The following CNOT3 variants were observed in gnomAD, a reference collection of about 807,000 sequenced individuals.
CNOT3 encodes CCR4-NOT transcription complex subunit 3.
Under a neutral mutation model 89.4 loss-of-function variants are expected in CNOT3, and 2 were observed. The observed-to-expected ratio is 0.02, with a 90% CI of 0.01 to 0.07. The LOEUF is 0.07. Among genes scored for constraint, CNOT3 ranks in the 10% least tolerant of loss-of-function variants. CNOT3 has a pLI of 1.00. For missense variants in CNOT3, 664 were observed against 1,010.2 expected, an observed-to-expected ratio of 0.66 and a Z score of 4.65; for synonymous variants, 486 against 402.0, an observed-to-expected ratio of 1.21 and a Z score of -2.50.
intron 17 of CNOT3, chr19:54,154,746 G>T (rs2075322025): frequency 6.5e-6 from 1 of 153,430 alleles, no homozygotes; most frequent in Non-Finnish European, 1.4e-5. Flanking sequence ...TGTGTCCTCA[G>T]ATGTTAACCA....
At chr19:54,139,488 C>T (rs1439376219) in intron 1 of CNOT3, among the ~76,000 whole-genome samples, 3 of 152,098 alleles carry the variant, frequency 2.0e-5, no homozygotes, top group Non-Finnish European at 4.4e-5. Flanking sequence ...GGGCTCTTCC[C>T]TCTGGGGCTG....
At chr19:54,141,851 G>A (rs1458166427) in intron 1 of CNOT3, 3 of 152,166 alleles carry the variant, frequency 2.0e-5, no homozygotes, top group African/African-American at 7.2e-5. Flanking sequence ...ATCTCCGCTG[G>A]TATCTCAGAA....
At chr19:54,153,896 C>T (rs1440306631) in intron 17 of CNOT3, 56 bp downstream of exon 17, 2 of 1,612,100 alleles carry the variant, frequency 1.2e-6, no homozygotes, top group African/African-American at 2.7e-5. Context: ...AGTCCCCAGG[C>T]TCCAGGCAGC....
At chr19:54,151,551 C>T (rs1340518304) in intron 13 of CNOT3, among the ~76,000 whole-genome samples, 2 of 152,338 alleles carry the variant, frequency 1.3e-5, no homozygotes, top group African/African-American at 4.8e-5. Flanking sequence ...GCCTTGGCGA[C>T]TGACTCGTTG....
At chr19:54,138,390 G>C (rs1348075765) in intron 1 of CNOT3, among the ~76,000 whole-genome samples, 3 of 152,116 alleles carry the variant, frequency 2.0e-5, no homozygotes, top group African/African-American at 7.2e-5. Context: ...GGATGGAGGC[G>C]CCCCTGGTCC....
rs183553313 is a variant in CNOT3 at position 54,155,018 on chromosome 19, C to G, written c.2164-291C>G. The G allele has an allele frequency of 3.3e-5, 16 of 491,256 alleles. No individual in the cohort carries two copies. The East Asian group carries it at 5.2e-4, about 16-fold the overall frequency. The allele number at this position is 491,256 out of a possible 1,614,324, so 30.4% of individuals were successfully genotyped here. Reference sequence around the variant, plus strand: ...AGAGGTGCTCAAAAGCCACAGCCCTCGAGGAAACGAAGGCTGTGCACTCAC... The same window carrying G: ...AGAGGTGCTCAAAAGCCACAGCCCTGGAGGAAACGAAGGCTGTGCACTCAC... On this transcript the variant is annotated intron_variant, in intron 17 of 17. Transcript: ENST00000221232.
intron 10 of CNOT3, among the ~76,000 whole-genome samples, 173 bp from the exon 11 acceptor site, chr19:54,147,975 T>C (rs2074775753): frequency 6.6e-6 from 1 of 151,942 alleles, no homozygotes; most frequent in African/African-American, 2.4e-5. Context: ...ATGAAGGTGA[T>C]TGAAGCCATG....
At position 54,142,763 on chromosome 19, in the gene CNOT3, G is replaced by A; in HGVS notation, c.-50-166G>A. 9.7e-6 allele frequency: 6 copies of A among 620,262 alleles called. No individual in the cohort carries two copies. In the South Asian group the frequency reaches 1.1e-4, roughly 11 times the overall value. The allele number at this position is 620,262 out of a possible 1,614,324, so 38.4% of individuals were successfully genotyped here. A position where few individuals can be genotyped will look rare whatever the true frequency, so the allele number is the denominator to read the frequency against. On this transcript the variant is annotated intron_variant, in intron 1 of 17. Coordinates refer to ENST00000221232, the MANE Select transcript of CNOT3 (RefSeq NM_014516.4). The stretch of plus-strand genomic sequence containing the variant: ...CCCTGTTGGCCAGACACTATGCTGG[G>A]CAGTCAAGCGAGCATCAGGAGAACT...
At chr19:54,142,591 G>C in intron 1 of CNOT3, 1 of 377,856 alleles carries the variant, frequency 2.6e-6, no homozygotes, top group East Asian at 5.4e-5. Flanking sequence ...CATCAGCTGT[G>C]TGCAGCATGA....
At chr19:54,140,125 C>G (rs2074387773) in intron 1 of CNOT3, among the ~76,000 whole-genome samples, 1 of 152,200 alleles carries the variant, frequency 6.6e-6, no homozygotes, top group South Asian at 2.1e-4. Flanking sequence ...CTGCCCCTCC[C>G]TCCTCGAGTC....
chr19:54,143,346 G>GGC (rs1200727808), intron 3 of CNOT3, 96 bp from the exon 4 acceptor site: 1 of 1,356,954 alleles, frequency 7.4e-7, no homozygotes, highest in East Asian at 2.3e-5. Flanking sequence ...AGGGGTTGGG[G>GGC]GGGGTCCTCG....
At chr19:54,141,149 T>C (rs2074433632) in intron 1 of CNOT3, among the ~76,000 whole-genome samples, 1 of 152,162 alleles carries the variant, frequency 6.6e-6, no homozygotes, top group Non-Finnish European at 1.5e-5. Flanking sequence ...TTGTGTGAGC[T>C]CCCTGGGTCA....
Position 54,146,017 on chromosome 19 carries a change from C to A in CNOT3, c.811C>A (p.Pro271Thr). The A allele has an allele frequency of 6.2e-7, 1 of 1,613,140 alleles. No individual in the cohort carries two copies. Among genetic ancestry groups the A allele is most frequent in the Non-Finnish European group, 8.5e-7 (1 of 1,179,274 alleles). The change falls in exon 9 of 18, where the codon CCG becomes ACG. Residue 271 changes from proline to threonine, a missense_variant. Physicochemically the swap from Pro to Thr is conservative, Grantham distance 38 (BLOSUM62 -1). Around this residue, in one of 8 missense-constraint regions of CNOT3, gnomAD observed 545 missense variants for 566.2 expected, o/e 0.96. Coordinates refer to ENST00000221232, the MANE Select transcript of CNOT3 (RefSeq NM_014516.4). Reference protein sequence around the residue: ...PTSTTSSSPIPPSPANCTTEN... With the variant: ...PTSTTSSSPITPSPANCTTEN... ...CTCAACCACCTCCAGCTCTCCCATC[C>A]CGCCCAGCCCAGCCAACTGTACCAC...
chr19:54,143,942 G>C, intron 5 of CNOT3, 64 bp from the exon 6 acceptor site: 1 of 1,573,770 alleles, frequency 6.4e-7, no homozygotes, highest in Non-Finnish European at 8.6e-7. Flanking sequence ...CGGAGTGTCT[G>C]CTGGCCCTTA....
intron 13 of CNOT3, 125 bp from the exon 14 acceptor site, chr19:54,152,101 G>A (rs2146750691): frequency 1.2e-6 from 1 of 854,042 alleles, no homozygotes. Flanking sequence ...GTAGATTGTG[G>A]GGAGTGGGTC....
intron 16 of CNOT3, 64 bp downstream of exon 16, chr19:54,153,063 C>T: frequency 6.5e-7 from 1 of 1,544,108 alleles, no homozygotes; most frequent in Middle Eastern, 1.7e-4. Context: ...CGCCGTCCCC[C>T]CTCGGGCTGG....
intron 15 of CNOT3, 69 bp from the exon 16 acceptor site, chr19:54,152,798 T>C (rs1328122823): frequency 3.4e-6 from 3 of 871,322 alleles, no homozygotes; most frequent in Non-Finnish European, 5.7e-6. Context: ...GGGATGCATG[T>C]CTGAGCACCC....
intron 13 of CNOT3, among the ~76,000 whole-genome samples, chr19:54,151,617 TGGG>T (rs1242609700): frequency 2.0e-5 from 3 of 152,102 alleles, no homozygotes; most frequent in Admixed American, 2.0e-4. Flanking sequence ...CTGGAGGAGA[TGGG>T]AGGAACCAGC....
chr19:54,143,341 T>C, intron 3 of CNOT3, 101 bp from the exon 4 acceptor site: 4 of 910,022 alleles, frequency 4.4e-6, no homozygotes, highest in Non-Finnish European at 5.2e-6. Context: ...GGGGTAGGGG[T>C]TGGGGGGGGT....
Sources: allele counts gnomAD v4.1 joint callset (sites outside exome capture counted in the v4.1 genomes callset), GRCh38; gene constraint gnomAD v4.1.1; regional missense constraint gnomAD v4.1.1; transcripts MANE v1.5; gene names NCBI Gene and HGNC (gene_info 2026-07-23, HGNC 2026-07-21).